TRAPPC9: variants seen among roughly 807,000 people sequenced by gnomAD.
The protein encoded by TRAPPC9 is IKK2 binding protein.
In TRAPPC9, 83 loss-of-function variants were observed where a neutral mutation model predicts 124.0. That is an observed-to-expected ratio of 0.67 (90% CI 0.56 to 0.80). The LOEUF (loss-of-function observed/expected upper bound fraction) is 0.80, where lower values mean the gene tolerates loss of function less well. Ranked by LOEUF, TRAPPC9 falls within the 30% of genes least tolerant of loss-of-function variation. The pLI is 0.00. For missense variants in TRAPPC9, 1,302 were observed against 1,508.3 expected, an observed-to-expected ratio of 0.86 and a Z score of 2.27; for synonymous variants, 638 against 617.5, an observed-to-expected ratio of 1.03 and a Z score of -0.49.
chr8:140,452,733 GAACA>G (rs2071512235), intron 1 of TRAPPC9, among the ~76,000 whole-genome samples: 1 of 152,130 alleles, frequency 6.6e-6, no homozygotes, highest in Non-Finnish European at 1.5e-5. Context: ...AGGGATTAGT[GAACA>G]AACAAACAAA....
intron 9 of TRAPPC9, among the ~76,000 whole-genome samples, chr8:140,349,078 G>T: frequency 1.4e-5 from 2 of 144,592 alleles, no homozygotes; most frequent in African/African-American, 2.5e-5. Flanking sequence ...GGGGGCTGAA[G>T]GGGGGCGTGC....
At chr8:139,865,718 G>A (rs536166314) in intron 21 of TRAPPC9, among the ~76,000 whole-genome samples, 3 of 152,332 alleles carry the variant, frequency 2.0e-5, no homozygotes, top group African/African-American at 7.2e-5. Context: ...AGAGAACCCA[G>A]TTGGTCCAGG....
chr8:140,129,471 C>T (rs1049509914), intron 17 of TRAPPC9, among the ~76,000 whole-genome samples: 10 of 152,128 alleles, frequency 6.6e-5, no homozygotes, highest in Non-Finnish European at 1.3e-4. Flanking sequence ...GGCAAGCTGG[C>T]CCAGGGCATC....
At chr8:140,180,619 T>A (rs2131005304) in intron 17 of TRAPPC9, among the ~76,000 whole-genome samples, 1 of 152,152 alleles carries the variant, frequency 6.6e-6, no homozygotes, top group African/African-American at 2.4e-5. Flanking sequence ...TCAGCTTTTG[T>A]CTTTATTTGT....
At chr8:140,327,680 C>T (rs559488607) in intron 9 of TRAPPC9, among the ~76,000 whole-genome samples, 29 of 152,254 alleles carry the variant, frequency 1.9e-4, no homozygotes, top group Non-Finnish European at 3.5e-4. Flanking sequence ...TTGTATGACT[C>T]CACTTATATG....
chr8:140,402,530 C>T (rs1466669299), intron 6 of TRAPPC9, among the ~76,000 whole-genome samples: 2 of 151,754 alleles, frequency 1.3e-5, no homozygotes, highest in South Asian at 2.1e-4. Flanking sequence ...CCCATCTCTA[C>T]AAAAAATACA....
At chr8:139,998,194 C>T (rs1383604118) in intron 18 of TRAPPC9, among the ~76,000 whole-genome samples, 1 of 152,206 alleles carries the variant, frequency 6.6e-6, no homozygotes, top group African/African-American at 2.4e-5. Context: ...AATGTCAACT[C>T]AGAAGTCCAT....
chr8:140,031,504 C>T (rs971995205), intron 17 of TRAPPC9, among the ~76,000 whole-genome samples: 4 of 152,122 alleles, frequency 2.6e-5, no homozygotes, highest in Non-Finnish European at 5.9e-5. Flanking sequence ...AACCTGTCAC[C>T]ACGGATTTCC....
intron 21 of TRAPPC9, among the ~76,000 whole-genome samples, chr8:139,791,633 G>A (rs1185278475): frequency 4.6e-5 from 7 of 152,182 alleles, no homozygotes; most frequent in South Asian, 4.1e-4. Flanking sequence ...TGCTTTGCCC[G>A]TAAGCCCAGG....
chr8:139,814,660 G>A (rs968521273), intron 21 of TRAPPC9, among the ~76,000 whole-genome samples: 14 of 151,968 alleles, frequency 9.2e-5, no homozygotes, highest in African/African-American at 3.4e-4. Context: ...CCTGAATCCA[G>A]GTCTGTTTTC....
chr8:140,288,834 A>G (rs557163420), intron 12 of TRAPPC9, among the ~76,000 whole-genome samples: 43 of 152,360 alleles, frequency 2.8e-4, no homozygotes, highest in Admixed American at 1.6e-3. Flanking sequence ...TAACAGTTAC[A>G]GAACACTGCT....
rs1176040138 is a variant in TRAPPC9 at position 140,273,213 on chromosome 8, C to T, written c.2278+2445G>A. Among the ~76,000 whole-genome samples the T allele has an allele frequency of 2.6e-5, 4 of 152,224 alleles. No homozygotes were observed. In the East Asian group the frequency reaches 7.7e-4, roughly 29 times the overall value. On this transcript the variant is annotated intron_variant, in intron 15 of 22. Transcript: ENST00000438773. ...TTCCTCTCAACTTCTGGGCCACACTCGTCCAACCTCTTCACAGGCTGTGCC... is the reference window on the plus strand; with the variant it reads ...TTCCTCTCAACTTCTGGGCCACACTTGTCCAACCTCTTCACAGGCTGTGCC...
At chr8:140,384,519 T>G (rs2068701290) in intron 7 of TRAPPC9, among the ~76,000 whole-genome samples, 1 of 152,116 alleles carries the variant, frequency 6.6e-6, no homozygotes, top group Non-Finnish European at 1.5e-5. Flanking sequence ...TCCTAGTCTC[T>G]GATAAAACAG....
intron 19 of TRAPPC9, among the ~76,000 whole-genome samples, chr8:139,943,797 A>C (rs1388005410): frequency 2.6e-5 from 4 of 152,224 alleles, no homozygotes; most frequent in Non-Finnish European, 5.9e-5. Context: ...GAAGAATGAA[A>C]GTGATGGAGG....
At chr8:140,125,390 C>G (rs1262017374) in intron 17 of TRAPPC9, among the ~76,000 whole-genome samples, 2 of 152,138 alleles carry the variant, frequency 1.3e-5, no homozygotes, top group African/African-American at 4.8e-5. Context: ...AGAGCAGGGG[C>G]ACGCAGACCA....
intron 21 of TRAPPC9, among the ~76,000 whole-genome samples, chr8:139,883,407 G>A (rs1328893255): frequency 6.6e-6 from 1 of 152,218 alleles, no homozygotes; most frequent in East Asian, 1.9e-4. Context: ...GAAAATCAGG[G>A]CAAGAAATGG....
chr8:139,906,647 G>A (rs537913832), intron 20 of TRAPPC9, among the ~76,000 whole-genome samples: 1 of 152,200 alleles, frequency 6.6e-6, no homozygotes, highest in African/African-American at 2.4e-5. Flanking sequence ...AACCCTGCAG[G>A]TTCTTGGTGA....
At chr8:140,228,098 G>A (rs1465260114) in intron 16 of TRAPPC9, among the ~76,000 whole-genome samples, 1 of 152,230 alleles carries the variant, frequency 6.6e-6, no homozygotes, top group Non-Finnish European at 1.5e-5. Flanking sequence ...ATCTCCAGTG[G>A]TGGGATCTAT....
At chr8:140,215,632 C>A in intron 17 of TRAPPC9, among the ~76,000 whole-genome samples, 1 of 143,726 alleles carries the variant, frequency 7.0e-6, no homozygotes, top group African/African-American at 2.6e-5. Flanking sequence ...AGCGACAGAG[C>A]AAAACTCCAT....
Sources: gnomAD v4.1 joint callset for allele counts (sites outside exome capture counted in the v4.1 genomes callset) on GRCh38, gnomAD v4.1.1 for gene constraint, MANE v1.5 for transcripts, NCBI Gene and HGNC (gene_info 2026-07-23, HGNC 2026-07-21) for gene names.